The following MCM5 variants were observed in gnomAD, a reference collection of about 807,000 sequenced individuals.
MCM5 encodes the protein DNA replication licensing factor MCM5.
Under a neutral mutation model 79.9 loss-of-function variants are expected in MCM5, and 46 were observed. That is an observed-to-expected ratio of 0.58 (90% CI 0.45 to 0.74). The LOEUF (loss-of-function observed/expected upper bound fraction) is 0.74, where lower values mean the gene tolerates loss of function less well. Ranked by LOEUF, MCM5 falls within the 30% of genes least tolerant of loss-of-function variation. MCM5 has a pLI of 0.00. For missense variants in MCM5, 883 were observed against 1,017.0 expected (o/e 0.87, Z 1.79); for synonymous variants, 404 against 390.5 (o/e 1.03, Z -0.41).
chr22:35,444,277 AG>A, the MCM5 span, among the ~76,000 whole-genome samples: 1 of 147,390 alleles, frequency 6.8e-6, no homozygotes, highest in Non-Finnish European at 1.5e-5. Flanking sequence ...AGGTGGAGAG[AG>A]GGGGGCTTGA....
chr22:35,419,785 A>G, intron 13 of MCM5, 99 bp from the exon 14 acceptor site: 1 of 1,277,244 alleles, frequency 7.8e-7, no homozygotes, highest in East Asian at 2.6e-5. Flanking sequence ...GTGTGGTGGG[A>G]AAGTGCATGT....
chr22:35,454,175 C>T, the MCM5 span, among the ~76,000 whole-genome samples: 1 of 152,088 alleles, frequency 6.6e-6, no homozygotes, highest in Non-Finnish European at 1.5e-5. Context: ...CTCCTCCTCT[C>T]CCCAACGCCT....
At chr22:35,402,230 C>T (rs569689064) in intron 2 of MCM5, among the ~76,000 whole-genome samples, 1 of 152,068 alleles carries the variant, frequency 6.6e-6, no homozygotes, top group Admixed American at 6.6e-5. Flanking sequence ...ATAGTGAAAC[C>T]CAGGCTCTAT....
the MCM5 span, among the ~76,000 whole-genome samples, chr22:35,451,239 A>T: frequency 7.2e-5 from 11 of 152,092 alleles, no homozygotes; most frequent in East Asian, 1.9e-3. Flanking sequence ...TAAGTTTCCA[A>T]TTGAAGCAAA....
At chr22:35,400,337 C>T (rs1185483327) in intron 1 of MCM5, 94 bp from the exon 2 acceptor site, 2 of 1,454,254 alleles carry the variant, frequency 1.4e-6, no homozygotes, top group Non-Finnish European at 1.9e-6. Flanking sequence ...GGGGGTCCCC[C>T]TGCTCCGGAC....
Position 35,423,002 on chromosome 22 carries a change from C to G in MCM5, c.1976-212C>G, listed in dbSNP as rs1478135596. 5 of 414,388 alleles carry G rather than the reference C, an allele frequency of 1.2e-5. No homozygotes were observed. In the East Asian group the frequency reaches 1.5e-4, roughly 12 times the overall value. 25.7% of individuals were successfully genotyped at this position (414,388 alleles called of 1,614,324 possible). ...GAATGAGACAGGTGTGTTCCTGCCT[C>G]TGTGACTTTGTGCTTGGCCTGGAGT... On this transcript the variant is annotated intron_variant, in intron 15 of 16. Transcript: ENST00000216122.
chr22:35,420,489 A>T (rs1394089618), intron 14 of MCM5, among the ~76,000 whole-genome samples: 1 of 152,236 alleles, frequency 6.6e-6, no homozygotes, highest in East Asian at 1.9e-4. Context: ...TTGGAAATGG[A>T]TTTGGCTATA....
chr22:35,452,279 C>T, the MCM5 span, among the ~76,000 whole-genome samples: 1 of 152,134 alleles, frequency 6.6e-6, no homozygotes, highest in Non-Finnish European at 1.5e-5. Context: ...CCCCTCCCCA[C>T]CCCCACGCAG....
At chr22:35,408,190 G>A (rs1932273387) in intron 5 of MCM5, among the ~76,000 whole-genome samples, 2 of 152,184 alleles carry the variant, frequency 1.3e-5, no homozygotes, top group Non-Finnish European at 2.9e-5. Flanking sequence ...CCAGCCTCAA[G>A]CAGTTCCCTT....
At chr22:35,406,062 G>A (rs1275649246) in intron 4 of MCM5, among the ~76,000 whole-genome samples, 2 of 152,178 alleles carry the variant, frequency 1.3e-5, no homozygotes, top group East Asian at 3.9e-4. Context: ...TGTCCGGTGT[G>A]GGAATAGTCA....
In MCM5 at chr22:35,403,246, G is replaced by T; in HGVS notation, c.207G>T (p.Trp69Cys). The change falls in exon 3 of 17, where the codon TGG (tryptophan) becomes TGT (cysteine). Residue 69 changes from tryptophan to cysteine, a missense_variant. By Grantham distance (215) the Trp-to-Cys change is radical. Coordinates refer to ENST00000216122, the MANE Select transcript of MCM5 (RefSeq NM_006739.4). ...GGCATTACAACCTGGGGGAGTACTGGATTGAGGTGGAGATGGAGGATCTGG... is the reference window on the plus strand; with the variant it reads ...GGCATTACAACCTGGGGGAGTACTGTATTGAGGTGGAGATGGAGGATCTGG... ...LKRHYNLGEY[W>C]IEVEMEDLAS... 6.2e-7 allele frequency: 1 copy of T among 1,614,162 alleles called. No homozygotes were observed. Among genetic ancestry groups the T allele is most frequent in the Non-Finnish European group, 8.5e-7 (1 of 1,180,036 alleles).
At chr22:35,432,184 A>G in the MCM5 span, among the ~76,000 whole-genome samples, 1 of 152,216 alleles carries the variant, frequency 6.6e-6, no homozygotes, top group South Asian at 2.1e-4. Flanking sequence ...GACACTGGGA[A>G]TACAGAGAAC....
intron 8 of MCM5, 137 bp downstream of exon 8, chr22:35,412,818 GC>G: frequency 2.7e-6 from 2 of 746,238 alleles, no homozygotes; most frequent in East Asian, 3.4e-5. Context: ...ACCTTTGCCA[GC>G]CCCCAAGCTT....
chr22:35,408,842 C>G (rs759904212), intron 6 of MCM5, among the ~76,000 whole-genome samples: 9 of 152,238 alleles, frequency 5.9e-5, no homozygotes, highest in Admixed American at 1.3e-4. Context: ...GGGCTTTCAG[C>G]CTATGTGCAT....
At chr22:35,418,789 C>T (rs1427571969) in intron 13 of MCM5, among the ~76,000 whole-genome samples, 1 of 151,916 alleles carries the variant, frequency 6.6e-6, no homozygotes, top group Non-Finnish European at 1.5e-5. Flanking sequence ...AAATTATAAC[C>T]CTCCCCCAAA....
At chr22:35,448,389 G>T in the MCM5 span, among the ~76,000 whole-genome samples, 1 of 141,514 alleles carries the variant, frequency 7.1e-6, no homozygotes, top group East Asian at 1.9e-4. Flanking sequence ...CCTCTGCAGA[G>T]TCCTCCCCAC....
intron 11 of MCM5, 61 bp downstream of exon 11, chr22:35,416,465 AGGCT>A: frequency 6.4e-7 from 1 of 1,562,432 alleles, no homozygotes; most frequent in East Asian, 2.3e-5. Context: ...AACCGTCCTC[AGGCT>A]GCCCTGATTG....
chr22:35,407,184 C>T (rs1932243441), intron 5 of MCM5, among the ~76,000 whole-genome samples: 1 of 152,154 alleles, frequency 6.6e-6, no homozygotes, highest in African/African-American at 2.4e-5. Flanking sequence ...ATCCTCCGGC[C>T]CTTTCTAGAA....
chr22:35,423,392 C>T, intron 16 of MCM5, 51 bp downstream of exon 16: 3 of 1,537,836 alleles, frequency 2.0e-6, no homozygotes, highest in Non-Finnish European at 1.8e-6. Context: ...TGCAGGTCTT[C>T]TGCTGGTTCC....
Sources: allele counts gnomAD v4.1 joint callset (sites outside exome capture counted in the v4.1 genomes callset), GRCh38; gene constraint gnomAD v4.1.1; transcripts MANE v1.5; gene names NCBI Gene and HGNC (gene_info 2026-07-23, HGNC 2026-07-21).